Variants in RPF2 observed in about 807,000 individuals in gnomAD.
RPF2 encodes brix domain containing 1.
RPF2 carries 21 observed loss-of-function variants against 38.9 expected under a neutral mutation model. The observed-to-expected ratio is 0.54, with a 90% confidence interval of 0.38 to 0.78. The LOEUF is 0.78. RPF2 is among the 30% of genes least tolerant of loss of function. The probability of loss-of-function intolerance (pLI) is 0.00; values close to 1 mark genes in which losing one functional copy is unlikely to be tolerated. For missense variants in RPF2, 314 were observed against 358.1 expected, an observed-to-expected ratio of 0.88 and a Z score of 0.99; for synonymous variants, 121 against 126.2, an observed-to-expected ratio of 0.96 and a Z score of 0.28.
At chr6:111,017,555 C>T (rs557347529) in intron 8 of RPF2, among the ~76,000 whole-genome samples, 173 of 145,480 alleles carry the variant, frequency 1.2e-3, no homozygotes, top group Admixed American at 2.5e-3. Context: ...CGGGCAGAGA[C>T]GCTCCTCACC....
intron 6 of RPF2, among the ~76,000 whole-genome samples, chr6:111,000,078 T>C (rs1397214836): frequency 6.6e-6 from 1 of 152,066 alleles, no homozygotes; most frequent in Non-Finnish European, 1.5e-5. Context: ...TTTTTTGCTT[T>C]TTTCATAGTT....
intron 8 of RPF2, among the ~76,000 whole-genome samples, chr6:111,021,583 A>C (rs1480945111): frequency 1.3e-5 from 2 of 152,192 alleles, no homozygotes; most frequent in Admixed American, 1.3e-4. Context: ...TGACATGGGC[A>C]GGTCACCACT....
chr6:110,986,650 T>A (rs9400445), intron 2 of RPF2, among the ~76,000 whole-genome samples: 37,519 of 151,968 alleles, frequency 0.25, 5,326 homozygotes, highest in East Asian at 0.65. Context: ...ATATGTAATC[T>A]ATGAAAGAAA....
At chr6:110,994,093 A>G (rs1771665587) in intron 4 of RPF2, among the ~76,000 whole-genome samples, 1 of 152,190 alleles carries the variant, frequency 6.6e-6, no homozygotes, top group Admixed American at 6.5e-5. Flanking sequence ...CCTGACCAAC[A>G]TGGATAAACC....
In RPF2 at chr6:111,027,099, G is replaced by C. The variant is rs1233962921; in HGVS notation, c.*1517G>C. On this transcript the variant is annotated 3_prime_UTR_variant, in exon 10 of 10. Transcript: ENST00000441448. ...TTCCATGTTAGAGAGCTCCGTGCCT[G>C]TGTATACATGCCTTTATGTAAGCTT... The C allele has an allele frequency of 6.6e-6, 1 of 152,150 alleles. No individual in the cohort carries two copies. The highest frequency in any genetic ancestry group is 1.5e-5 in the Non-Finnish European group (1 of 68,026). The allele number at this position is 152,150 out of a possible 1,614,324, so 9.4% of individuals were successfully genotyped here.
At chr6:110,991,575 G>A (rs549083355) in intron 3 of RPF2, among the ~76,000 whole-genome samples, 172 bp from the exon 4 acceptor site, 1 of 152,118 alleles carries the variant, frequency 6.6e-6, no homozygotes, top group African/African-American at 2.4e-5. Context: ...TAGTAGTATA[G>A]TATCACTAGC....
At chr6:111,015,714 A>ATTTGT in intron 7 of RPF2, 40 bp from the exon 8 acceptor site, 1 of 1,364,508 alleles carries the variant, frequency 7.3e-7, no homozygotes, top group Non-Finnish European at 1.0e-6. Context: ...TTTTGCAAGT[A>ATTTGT]TTTGTTTTGT....
intron 8 of RPF2, among the ~76,000 whole-genome samples, chr6:111,019,508 G>A (rs183635944): frequency 4.0e-5 from 6 of 151,620 alleles, no homozygotes; most frequent in South Asian, 2.1e-4. Context: ...AGGCTGAGGC[G>A]GGTGGATCAC....
At position 110,989,048 on chromosome 6, in the gene RPF2, CG is replaced by C; in HGVS notation, c.179del (p.Gly60ValfsTer44). ...KDVYALKKPY[G>X]VLYKKKNITR... ...TACAGTATGCACTGAAAAAACCATA[CG>C]GTGTACTATATAAAAAGTAAGTCAT... On this transcript the variant is annotated frameshift_variant, in exon 3 of 10. Transcript: ENST00000441448. LOFTEE classifies it high-confidence loss of function. The C allele has an allele frequency of 6.3e-7, 1 of 1,587,932 alleles. No homozygotes were observed. Among genetic ancestry groups the C allele is most frequent in the Non-Finnish European group, 8.6e-7 (1 of 1,168,240 alleles).
intron 6 of RPF2, among the ~76,000 whole-genome samples, chr6:111,005,178 G>C (rs945587379): frequency 6.6e-6 from 1 of 152,174 alleles, no homozygotes; most frequent in Non-Finnish European, 1.5e-5. Flanking sequence ...TAAGGTTCCG[G>C]GTTTGGAAGT....
chr6:111,008,901 T>C (rs1447102541), intron 7 of RPF2, among the ~76,000 whole-genome samples: 5 of 111,450 alleles, frequency 4.5e-5, no homozygotes, highest in African/African-American at 1.6e-4. Flanking sequence ...CTGGCTCCTT[T>C]TTTTTTTTTT....
chr6:111,010,325 TG>T (rs1383100449), intron 7 of RPF2, among the ~76,000 whole-genome samples: 1 of 152,034 alleles, frequency 6.6e-6, no homozygotes, highest in Non-Finnish European at 1.5e-5. Context: ...TGGGTCTCCC[TG>T]TATTGCCCAG....
In RPF2 at chr6:111,024,206, G is replaced by T; in HGVS notation, c.620G>T (p.Cys207Phe). Residue 207 changes from cysteine (C) to phenylalanine (F), a missense_variant, in exon 9 of 10, where the codon TGC becomes TTC. By Grantham distance (205) the Cys-to-Phe change is radical. Coordinates refer to ENST00000441448, the MANE Select transcript of RPF2 (RefSeq NM_032194.3). ...AGGTTGCTGTTGAAGAAATCTGGTT[G>T]CAGAACACCACGGATTGAATTGGAA... ...SYKLLLKKSG[C>F]RTPRIELEEM... 2 of 1,602,324 alleles carry T rather than the reference G, an allele frequency of 1.2e-6. No homozygotes were observed. The highest frequency in any genetic ancestry group is 2.3e-5 in the South Asian group (2 of 88,502).
intron 7 of RPF2, among the ~76,000 whole-genome samples, chr6:111,013,759 A>G (rs1175162681): frequency 6.6e-6 from 1 of 152,172 alleles, no homozygotes; most frequent in Non-Finnish European, 1.5e-5. Flanking sequence ...ACTGAAGGAG[A>G]GTCAGGCTTT....
intron 8 of RPF2, 35 bp from the exon 9 acceptor site, chr6:111,024,148 T>C: frequency 6.4e-7 from 1 of 1,551,608 alleles, no homozygotes; most frequent in Non-Finnish European, 8.7e-7. Context: ...TTTATGAAAG[T>C]CAAAGCAACA....
intron 6 of RPF2, 67 bp from the exon 7 acceptor site, chr6:111,007,971 A>G (rs13215616): frequency 2.6e-5 from 37 of 1,445,096 alleles, no homozygotes; most frequent in Non-Finnish European, 3.4e-5. Flanking sequence ...AAAATAAAAA[A>G]CAAAATCAAT....
intron 6 of RPF2, among the ~76,000 whole-genome samples, chr6:111,004,883 A>G (rs1380699321): frequency 2.0e-5 from 3 of 152,170 alleles, no homozygotes; most frequent in Non-Finnish European, 4.4e-5. Context: ...ATTGTTTCAC[A>G]TAACTTTTAT....
chr6:110,984,028 CA>C (rs1771479927), intron 1 of RPF2, among the ~76,000 whole-genome samples: 1 of 151,516 alleles, frequency 6.6e-6, no homozygotes, highest in Admixed American at 6.6e-5. Flanking sequence ...GACTCTGTCT[CA>C]AAAAAATAAA....
chr6:110,997,953 G>A (rs1046208675), intron 5 of RPF2, among the ~76,000 whole-genome samples: 2 of 150,360 alleles, frequency 1.3e-5, no homozygotes, highest in African/African-American at 4.9e-5. Context: ...CACCCAGACT[G>A]GAGTGCAATG....
Sources: allele counts gnomAD v4.1 joint callset (sites outside exome capture counted in the v4.1 genomes callset), GRCh38; gene constraint gnomAD v4.1.1; transcripts MANE v1.5; gene names NCBI Gene and HGNC (gene_info 2026-07-23, HGNC 2026-07-21).